Variants in TEX10 observed in about 807,000 individuals in gnomAD.
The protein encoded by TEX10 is testis-expressed protein 10.
TEX10 carries 24 observed loss-of-function variants against 104.4 expected under a neutral mutation model. The observed-to-expected ratio is 0.23, with a 90% CI of 0.17 to 0.32. The LOEUF is 0.32. Among genes scored for constraint, TEX10 ranks in the 10% least tolerant of loss-of-function variants. The pLI is 1.00. For missense variants in TEX10, 921 were observed against 1,083.9 expected, an observed-to-expected ratio of 0.85 and a Z score of 2.11; for synonymous variants, 396 against 393.4, an observed-to-expected ratio of 1.01 and a Z score of -0.08.
chr9:100,332,733 AT>A (rs1834898650), intron 5 of TEX10, among the ~76,000 whole-genome samples: 2 of 152,018 alleles, frequency 1.3e-5, no homozygotes, highest in African/African-American at 4.8e-5. Context: ...AGCCAGGAGA[AT>A]AGCGTGAACC....
At chr9:100,332,820 C>CA (rs554324128) in intron 5 of TEX10, among the ~76,000 whole-genome samples, 19,350 of 139,982 alleles carry the variant, frequency 0.14, 1,295 homozygotes, top group Non-Finnish European at 0.16. Flanking sequence ...AACTCCATCT[C>CA]AAAAAAAAAA....
intron 5 of TEX10, among the ~76,000 whole-genome samples, chr9:100,339,666 G>A (rs1336450014): frequency 1.3e-5 from 2 of 151,944 alleles, no homozygotes; most frequent in Non-Finnish European, 2.9e-5. Context: ...GGGAACTACA[G>A]TATTAGTATT....
Position 100,340,248 on chromosome 9 carries a change from T to C in TEX10, c.1250+9A>G. ...TTCAAGGTTATACAGTGAAAAAGAA[T>C]CATAATACCTTTTATTTGGCTCTTT... On this transcript the variant is annotated intron_variant, in intron 5 of 14. Transcript: ENST00000374902. 2.7e-6 allele frequency: 4 copies of C among 1,509,012 alleles called. No individual in the cohort carries two copies. In the South Asian group the frequency reaches 5.1e-5, roughly 19 times the overall value. 93.5% of individuals were successfully genotyped at this position (1,509,012 alleles called of 1,614,324 possible).
chr9:100,308,307 T>C (rs1588163494), intron 13 of TEX10, among the ~76,000 whole-genome samples, 193 bp downstream of exon 13: 3 of 152,058 alleles, frequency 2.0e-5, no homozygotes, highest in African/African-American at 7.2e-5. Context: ...AACAAAAAAC[T>C]AAAAATTTTC....
intron 3 of TEX10, 52 bp from the exon 4 acceptor site, chr9:100,346,367 C>T (rs1427526747): frequency 6.5e-7 from 1 of 1,535,262 alleles, no homozygotes; most frequent in Non-Finnish European, 8.7e-7. Flanking sequence ...TGTTTATTAT[C>T]CCTTGCTAAT....
chr9:100,332,984 AC>A (rs1277770589), intron 5 of TEX10, among the ~76,000 whole-genome samples: 1 of 152,090 alleles, frequency 6.6e-6, no homozygotes, highest in African/African-American at 2.4e-5. Context: ...CCTAGGGCCT[AC>A]CAAGACATTC....
Position 100,329,132 on chromosome 9 carries a change from G to T in TEX10, c.1625+8C>A. The T allele has an allele frequency of 6.3e-7, 1 of 1,584,862 alleles. No individual in the cohort carries two copies. Among genetic ancestry groups the T allele is most frequent in the East Asian group, 2.2e-5 (1 of 44,578 alleles). ...AGAAAAAAGAAAGGAAAAATAACAA[G>T]ATTTTACCTGAATCTACAAGATCTC... On this transcript the variant is annotated splice_region_variant and intron_variant, in intron 7 of 14. Transcript: ENST00000374902.
chr9:100,303,695 T>A lies in TEX10; in HGVS notation c.2613A>T (p.Ala871=). ...GQLLRLLLQH[A]PLRTHMLTNA... Reference sequence around the variant, plus strand: ...TGGTCAACATATGAGTCCTGAGGGGTGCATGCTGAAGCAGCAGTCGAAGCA... The same window carrying A: ...TGGTCAACATATGAGTCCTGAGGGGAGCATGCTGAAGCAGCAGTCGAAGCA... The change falls in exon 14 of 15, where the codon GCA becomes GCT. Residue 871 remains alanine (A), a synonymous_variant. Coordinates refer to ENST00000374902, the MANE Select transcript of TEX10 (RefSeq NM_017746.4). 6.2e-7 allele frequency: 1 copy of A among 1,613,938 alleles called. No individual in the cohort carries two copies. Among genetic ancestry groups the A allele is most frequent in the Non-Finnish European group, 8.5e-7 (1 of 1,180,006 alleles).
At chr9:100,350,469 T>G (rs1405881470) in intron 1 of TEX10, among the ~76,000 whole-genome samples, 8 of 152,174 alleles carry the variant, frequency 5.3e-5, no homozygotes, top group Non-Finnish European at 1.0e-4. Flanking sequence ...TCCAGCTTTA[T>G]CTTCCCACAA....
chr9:100,322,826 G>C (rs1290504279), intron 9 of TEX10, among the ~76,000 whole-genome samples: 1 of 152,122 alleles, frequency 6.6e-6, no homozygotes, highest in South Asian at 2.1e-4. Context: ...ATGTTGACCA[G>C]GCTGGTCTCA....
intron 5 of TEX10, among the ~76,000 whole-genome samples, chr9:100,337,295 AATG>A (rs971117130): frequency 2.6e-5 from 4 of 152,346 alleles, no homozygotes; most frequent in East Asian, 3.9e-4. Flanking sequence ...AAATTTCTTG[AATG>A]ATGATATGCT....
chr9:100,351,039 G>A (rs1440885505), intron 1 of TEX10, among the ~76,000 whole-genome samples: 1 of 152,006 alleles, frequency 6.6e-6, no homozygotes, highest in Non-Finnish European at 1.5e-5. Context: ...AAACATGTGC[G>A]TGTCCCTCAA....
chr9:100,307,267 A>G (rs1393991589), intron 13 of TEX10: 1 of 152,230 alleles, frequency 6.6e-6, no homozygotes, highest in Non-Finnish European at 1.5e-5. Flanking sequence ...AGCCCATGGT[A>G]AGTATTTGTA....
At chr9:100,340,121 T>C (rs1300760043) in intron 5 of TEX10, 136 bp downstream of exon 5, 3 of 448,534 alleles carry the variant, frequency 6.7e-6, no homozygotes, top group Non-Finnish European at 1.2e-5. Context: ...TCAGCCATAT[T>C]ACTACTTTTA....
chr9:100,352,550 C>CA, intron 1 of TEX10: 1 of 1,544,958 alleles, frequency 6.5e-7, no homozygotes, highest in Non-Finnish European at 8.7e-7. Flanking sequence ...CGAACCCGCC[C>CA]AGTCACCTGA....
rs1438855087 is a variant in TEX10, at chr9:100,329,257, A to G, written c.1508T>C (p.Ile503Thr). 3.1e-6 allele frequency: 5 copies of G among 1,606,586 alleles called. No individual in the cohort carries two copies. Among genetic ancestry groups the G allele is most frequent in the South Asian group, 2.3e-5 (2 of 88,820 alleles). Reference protein sequence around the residue: ...QPNREDTETLIKAVYTLYQQR... With the variant: ...QPNREDTETLTKAVYTLYQQR... ...CTGATATAATGTATAAACTGCCTTAATAAGAGTCTCTGTGTCCTCTACAAA... is the reference window on the plus strand; with the variant it reads ...CTGATATAATGTATAAACTGCCTTAGTAAGAGTCTCTGTGTCCTCTACAAA... The change falls in exon 7 of 15, where the codon ATT (isoleucine) becomes ACT (threonine). Residue 503 changes from isoleucine to threonine, a missense_variant. Ile to Thr is a moderately conservative substitution (Grantham distance 89). This residue lies in a region of TEX10 where 753 missense variants were observed against 868.4 expected (regional missense o/e 0.87). Transcript: ENST00000374902.
chr9:100,310,407 C>T, intron 11 of TEX10, 28 bp from the exon 12 acceptor site: 1 of 1,569,618 alleles, frequency 6.4e-7, no homozygotes, highest in South Asian at 1.1e-5. Context: ...AACCACTAAC[C>T]AAATCAGAAC....
intron 11 of TEX10, among the ~76,000 whole-genome samples, chr9:100,313,128 G>T (rs34919065): frequency 0.011 from 1,663 of 152,248 alleles, 17 homozygotes; most frequent in African/African-American, 0.016. Context: ...AATAAAATTA[G>T]CCAGGAGAGA....
intron 2 of TEX10, among the ~76,000 whole-genome samples, chr9:100,348,910 AAAATAAAT>A (rs780146370): frequency 6.6e-5 from 10 of 152,112 alleles, no homozygotes; most frequent in Non-Finnish European, 1.2e-4. Flanking sequence ...GACCTGTCTC[AAAATAAAT>A]AAATAAATAA....
Sources: allele counts gnomAD v4.1 joint callset (sites outside exome capture counted in the v4.1 genomes callset), GRCh38; gene constraint gnomAD v4.1.1; regional missense constraint gnomAD v4.1.1; transcripts MANE v1.5; gene names NCBI Gene and HGNC (gene_info 2026-07-23, HGNC 2026-07-21).